Variants in MED12L observed in about 807,000 individuals in gnomAD.
MED12L encodes the protein mediator of RNA polymerase II transcription subunit 12-like protein.
Under a neutral mutation model 281.3 loss-of-function variants are expected in MED12L, and 60 were observed. The ratio of observed to expected loss-of-function variants is 0.21; its 90% CI spans 0.17 to 0.26. MED12L has a LOEUF of 0.26. Ranked by LOEUF, MED12L falls within the 10% of genes least tolerant of loss-of-function variation. The pLI, the probability that MED12L is intolerant of heterozygous loss-of-function variation, is 1.00. For synonymous variants in MED12L, 974 were observed against 987.2 expected (o/e 0.99, Z 0.25); for missense variants, 2,146 against 2,680.9 (o/e 0.80, Z 4.41).
chr3:151,297,131 C>T (rs1359289192), intron 16 of MED12L, among the ~76,000 whole-genome samples: 1 of 152,156 alleles, frequency 6.6e-6, no homozygotes, highest in South Asian at 2.1e-4. Flanking sequence ...TGTTATGAGA[C>T]CCATAGTATT....
rs1051419791 is a variant in MED12L at position 151,127,848 on chromosome 3, G to A, written c.420G>A (p.Glu140=). ...AKKVPILSKK[E]DVFAYLAKYS... ...AGGTTCCTATCCTTAGTAAAAAAGA[G>A]GATGTTTTTGCATATTTAGCTAAAT... is the stretch of plus-strand genomic sequence containing the variant. Residue 140 remains glutamate (E), a synonymous_variant, in exon 5 of 45, where the codon GAG becomes GAA. Transcript: ENST00000687756. 1 of 1,611,272 alleles carries A rather than the reference G, an allele frequency of 6.2e-7. No homozygotes were observed. Among genetic ancestry groups the A allele is most frequent in the Non-Finnish European group, 8.5e-7 (1 of 1,177,722 alleles).
At chr3:151,254,561 C>A (rs928736100) in intron 16 of MED12L, among the ~76,000 whole-genome samples, 7 of 152,146 alleles carry the variant, frequency 4.6e-5, no homozygotes, top group African/African-American at 1.4e-4. Context: ...ATAATTTGAA[C>A]CAAACCTTAT....
At chr3:151,367,061 G>A (rs748905545) in intron 23 of MED12L, among the ~76,000 whole-genome samples, 1 of 152,112 alleles carries the variant, frequency 6.6e-6, no homozygotes, top group African/African-American at 2.4e-5. Context: ...CCAAGGTCAC[G>A]TGAGATCTAG....
Position 151,190,991 on chromosome 3 carries a change from T to C in MED12L, c.1968+60T>C. The C allele has an allele frequency of 2.1e-6, 3 of 1,453,292 alleles. No homozygotes were observed. The South Asian group carries it at 3.5e-5, about 17-fold the overall frequency. 90.0% of individuals were successfully genotyped at this position (1,453,292 alleles called of 1,614,324 possible). A position where few individuals can be genotyped will look rare whatever the true frequency, so the allele number is the denominator to read the frequency against. ...AAACTAAACTCTACTGGGAACCATG[T>C]TCAAATGGGTCATGTAGTGGTAGAA... On this transcript the variant is annotated intron_variant, in intron 14 of 44. Transcript: ENST00000687756.
At position 151,411,353 on chromosome 3, in the gene MED12L, G is replaced by A. The variant is rs1577588128; in HGVS notation, c.5986G>A (p.Val1996Met). Residue 1996 changes from valine (V) to methionine (M), a missense_variant, in exon 41 of 45, where the codon GTG becomes ATG. By Grantham distance (21) the Val-to-Met change is conservative. Coordinates refer to ENST00000687756, the MANE Select transcript of MED12L (RefSeq NM_001393769.1). Reference protein sequence around the residue: ...QQTSQQQAGSVVLSPSYNSRA... With the variant: ...QQTSQQQAGSMVLSPSYNSRA... ...GACATCGCAGCAGCAGGCTGGCAGT[G>A]TGGTCCTGTCTCCCAGCTATAACTC... The A allele has an allele frequency of 6.2e-7, 1 of 1,614,226 alleles. No individual in the cohort carries two copies. The highest frequency in any genetic ancestry group is 2.2e-5 in the East Asian group (1 of 44,880).
intron 16 of MED12L, among the ~76,000 whole-genome samples, chr3:151,302,728 C>T (rs1011065814): frequency 5.9e-5 from 9 of 152,138 alleles, no homozygotes; most frequent in African/African-American, 1.9e-4. Flanking sequence ...TCTCTCCCTA[C>T]CTTGGGAATC....
In MED12L at chr3:151,214,420, A is replaced by T. The variant is rs765945978; in HGVS notation, c.2250+20754A>T. 8.6e-5 allele frequency: 83 copies of T among 970,602 alleles called. 1 individual carries two copies. The highest frequency in any genetic ancestry group is 1.2e-4 in the Non-Finnish European group (77 of 650,496). 60.1% of individuals were successfully genotyped at this position (970,602 alleles called of 1,614,324 possible). On this transcript the variant is annotated intron_variant, in intron 16 of 44. Transcript: ENST00000687756. ...TTGCTGAGTAATAAGGCAAAGGGCA[A>T]TGAATATAGTCAAACCTACCAAATT... is the stretch of plus-strand genomic sequence containing the variant.
At chr3:151,338,293 C>T (rs1751308357) in intron 16 of MED12L, 1 of 1,614,106 alleles carries the variant, frequency 6.2e-7, no homozygotes, top group Non-Finnish European at 8.5e-7. Context: ...TCATGCCAGA[C>T]TAGACCGAAC....
At chr3:151,338,005 C>T in intron 16 of MED12L, 1 of 1,614,132 alleles carries the variant, frequency 6.2e-7, no homozygotes, top group Middle Eastern at 1.6e-4. Context: ...AGAGTGCTCT[C>T]TTTCACATAG....
At chr3:151,294,032 T>C (rs1744698946) in intron 16 of MED12L, 4 of 669,828 alleles carry the variant, frequency 6.0e-6, no homozygotes, top group Non-Finnish European at 8.0e-6. Flanking sequence ...AATGTTTTCC[T>C]TACTTTCAAA....
intron 39 of MED12L, among the ~76,000 whole-genome samples, chr3:151,396,807 C>G (rs1715038205): frequency 6.6e-6 from 1 of 152,146 alleles, no homozygotes; most frequent in South Asian, 2.1e-4. Context: ...GGGAAAAGCC[C>G]ACTGGGCCAT....
In MED12L at chr3:151,125,751, C is replaced by T. The variant is rs75352141; in HGVS notation, c.397-2074C>T. Among the ~76,000 whole-genome samples, 48 of 152,268 alleles carry T rather than the reference C, an allele frequency of 3.2e-4. No homozygotes were observed. In the East Asian group the frequency reaches 6.6e-3, roughly 21 times the overall value. On this transcript the variant is annotated intron_variant, in intron 4 of 44. Coordinates refer to ENST00000687756, the MANE Select transcript of MED12L (RefSeq NM_001393769.1). Reference sequence around the variant, plus strand: ...CTGACTTAAATGATGGCCAGTAAACCGAGAGCCTTGTGCTCCATGAGAGAT... The same window carrying T: ...CTGACTTAAATGATGGCCAGTAAACTGAGAGCCTTGTGCTCCATGAGAGAT...
intron 16 of MED12L, among the ~76,000 whole-genome samples, chr3:151,194,666 A>C (rs1724417158): frequency 6.6e-6 from 1 of 152,192 alleles, no homozygotes. Flanking sequence ...GCTTGGCAGG[A>C]AATTTACCAT....
chr3:151,231,547 A>G (rs986927333), intron 16 of MED12L, among the ~76,000 whole-genome samples: 17 of 152,230 alleles, frequency 1.1e-4, no homozygotes, highest in East Asian at 1.9e-4. Context: ...ACAAATTTAG[A>G]ATATGAAACA....
At chr3:151,384,802 G>A (rs879856327) in intron 35 of MED12L, 5 of 455,508 alleles carry the variant, frequency 1.1e-5, no homozygotes, top group Non-Finnish European at 1.9e-5. Flanking sequence ...TGTTTGTTGT[G>A]TAACAACAGT....
At position 151,304,481 on chromosome 3, in the gene MED12L, G is replaced by C. The variant is rs1388206501; in HGVS notation, c.2251-45578G>C. On this transcript the variant is annotated intron_variant, in intron 16 of 44. Coordinates refer to ENST00000687756, the MANE Select transcript of MED12L (RefSeq NM_001393769.1). Reference sequence around the variant, plus strand: ...CCCAGCTATTCGGGAGGCTGAGGCAGGAGAATCGCTTGAACCCGGGAGACC... The same window carrying C: ...CCCAGCTATTCGGGAGGCTGAGGCACGAGAATCGCTTGAACCCGGGAGACC... 3.9e-5 allele frequency among the ~76,000 whole-genome samples: 6 copies of C among 152,200 alleles called. No individual in the cohort carries two copies. In the South Asian group the frequency reaches 8.3e-4, roughly 21 times the overall value.
chr3:151,329,289 A>C (rs1347772619), intron 16 of MED12L, among the ~76,000 whole-genome samples: 1 of 152,236 alleles, frequency 6.6e-6, no homozygotes, highest in Non-Finnish European at 1.5e-5. Flanking sequence ...ACTGTTAGCC[A>C]TAAAACAAAA....
intron 5 of MED12L, among the ~76,000 whole-genome samples, chr3:151,143,268 C>T (rs114323664): frequency 0.01 from 1,542 of 152,286 alleles, 19 homozygotes; most frequent in Non-Finnish European, 0.017. Flanking sequence ...ATGAAAGACT[C>T]TTAGCTGTCT....
rs777935126 is a variant in MED12L, at chr3:151,413,165, G to A, written c.6167G>A (p.Ser2056Asn). ...QRLNHQALQQ[S>N]PLVGGGIDAV... Reference sequence around the variant, plus strand: ...CTGAACCATCAGGCTCTACAGCAGAGCCCTCTGGTGGGCGGGGGAATTGAT... The same window carrying A: ...CTGAACCATCAGGCTCTACAGCAGAACCCTCTGGTGGGCGGGGGAATTGAT... The change falls in exon 42 of 45, where the codon AGC (serine) becomes AAC (asparagine). Residue 2056 changes from serine (S) to asparagine (N), a missense_variant. This residue lies in a region of MED12L where 496 missense variants were observed against 512.0 expected (regional missense o/e 0.97). Coordinates refer to ENST00000687756, the MANE Select transcript of MED12L (RefSeq NM_001393769.1). 6.2e-7 allele frequency: 1 copy of A among 1,614,092 alleles called. No individual in the cohort carries two copies. Among genetic ancestry groups the A allele is most frequent in the South Asian group, 1.1e-5 (1 of 91,084 alleles).
Sources: allele counts gnomAD v4.1 joint callset (sites outside exome capture counted in the v4.1 genomes callset), GRCh38; gene constraint gnomAD v4.1.1; regional missense constraint gnomAD v4.1.1; transcripts MANE v1.5; gene names NCBI Gene and HGNC (gene_info 2026-07-23, HGNC 2026-07-21).